The following PROM1 variants were observed in gnomAD, a reference collection of about 807,000 sequenced individuals.
PROM1 encodes the protein prominin 1, also known as prominin-1.
Under a neutral mutation model 116.9 loss-of-function variants are expected in PROM1, and 105 were observed. That is an observed-to-expected ratio of 0.90 (90% CI 0.77 to 1.06). PROM1 has a LOEUF of 1.06. Ranked by LOEUF, PROM1 falls within the 50% of genes least tolerant of loss-of-function variation. The pLI is 0.00. For synonymous variants in PROM1, 393 were observed against 387.0 expected, an observed-to-expected ratio of 1.02 and a Z score of -0.18; for missense variants, 1,122 against 1,045.2, an observed-to-expected ratio of 1.07 and a Z score of -1.01.
At chr4:15,985,727 C>T (rs1345592990) in intron 22 of PROM1, 33 bp downstream of exon 22, 1 of 1,395,126 alleles carries the variant, frequency 7.2e-7, no homozygotes, top group Admixed American at 1.8e-5. Context: ...AAACTTGACC[C>T]CCCTTAACAT....
Position 16,025,172 on chromosome 4 carries a change from A to G in PROM1, c.630+20T>C. The G allele has an allele frequency of 1.2e-6, 2 of 1,612,408 alleles. No homozygotes were observed. The highest frequency in any genetic ancestry group is 1.7e-6 in the Non-Finnish European group (2 of 1,178,768). ...CCAAAAATATAAAGCATCGCGGTAC[A>G]TAGAGATGATGGTTTTTACCTCTGG... On this transcript the variant is annotated intron_variant, in intron 6 of 27. Coordinates refer to ENST00000447510, the MANE Select transcript of PROM1 (RefSeq NM_006017.3).
intron 2 of PROM1, among the ~76,000 whole-genome samples, chr4:16,045,085 C>T (rs1314582173): frequency 1.3e-5 from 2 of 152,158 alleles, no homozygotes; most frequent in Non-Finnish European, 2.9e-5. Flanking sequence ...CAACACTCCA[C>T]TCTTCCCTGC....
Position 16,009,116 on chromosome 4 carries a change from CAA to C in PROM1, c.1142-10_1142-9del. On this transcript the variant is annotated splice_polypyrimidine_tract_variant and intron_variant, in intron 11 of 27. Transcript: ENST00000447510. Reference sequence around the variant, plus strand: ...TCAAGACCCTTTTGATACCTGAAAACAAAGATACCTTTGTTATGCATTTGCAA... The same window carrying C: ...TCAAGACCCTTTTGATACCTGAAAACAGATACCTTTGTTATGCATTTGCAA... 6.2e-7 allele frequency: 1 copy of C among 1,610,410 alleles called. No individual in the cohort carries two copies. The highest frequency in any genetic ancestry group is 8.5e-7 in the Non-Finnish European group (1 of 1,178,178).
intron 10 of PROM1, among the ~76,000 whole-genome samples, chr4:16,014,207 C>T (rs1009077870): frequency 2.0e-5 from 3 of 152,214 alleles, no homozygotes. Context: ...CTTCATAAGA[C>T]TTATGGTGCC....
chr4:15,999,963 T>G, intron 14 of PROM1, among the ~76,000 whole-genome samples: 1 of 152,186 alleles, frequency 6.6e-6, no homozygotes, highest in East Asian at 1.9e-4. Context: ...GGAGTTGGAC[T>G]GAGAGGGAGA....
At chr4:15,994,575 A>G (rs1721850642) in intron 15 of PROM1, among the ~76,000 whole-genome samples, 1 of 152,074 alleles carries the variant, frequency 6.6e-6, no homozygotes, top group Admixed American at 6.5e-5. Context: ...GAGGAGACGC[A>G]GACATCTCGA....
chr4:16,042,500 C>T (rs1256542545), intron 2 of PROM1, among the ~76,000 whole-genome samples: 3 of 152,120 alleles, frequency 2.0e-5, no homozygotes, highest in Non-Finnish European at 4.4e-5. Flanking sequence ...GTACATTATT[C>T]AGGTGATGGA....
intron 23 of PROM1, among the ~76,000 whole-genome samples, chr4:15,983,601 T>C (rs1000250021): frequency 1.3e-5 from 2 of 151,506 alleles, no homozygotes; most frequent in Non-Finnish European, 2.9e-5. Context: ...GGTGGGGAAA[T>C]TGAGATTTAT....
chr4:15,977,194 CA>C, intron 26 of PROM1, among the ~76,000 whole-genome samples: 1 of 152,018 alleles, frequency 6.6e-6, no homozygotes, highest in Non-Finnish European at 1.5e-5. Flanking sequence ...CCCAGGCTTG[CA>C]TCTCTCTCTC....
chr4:16,050,271 A>T (rs986817211), intron 2 of PROM1, among the ~76,000 whole-genome samples: 1 of 151,224 alleles, frequency 6.6e-6, no homozygotes, highest in Non-Finnish European at 1.5e-5. Flanking sequence ...AAAAAAAAAA[A>T]CCACACACAC....
chr4:16,029,108 G>C (rs1732061539), intron 5 of PROM1, among the ~76,000 whole-genome samples: 1 of 152,136 alleles, frequency 6.6e-6, no homozygotes, highest in Non-Finnish European at 1.5e-5. Flanking sequence ...CATTTAAACT[G>C]TAAGTAACCA....
intron 13 of PROM1, among the ~76,000 whole-genome samples, chr4:16,002,075 T>C (rs111975429): frequency 1.1e-3 from 169 of 151,980 alleles, no homozygotes; most frequent in African/African-American, 3.8e-3. Context: ...AGTTTGATGA[T>C]GGGAAGTTGC....
At chr4:16,011,135 C>T (rs1726787576) in intron 11 of PROM1, among the ~76,000 whole-genome samples, 2 of 152,170 alleles carry the variant, frequency 1.3e-5, no homozygotes, top group Non-Finnish European at 2.9e-5. Context: ...GACTTTGCTG[C>T]TCTGACAACT....
At chr4:16,010,202 G>C (rs1726560603) in intron 11 of PROM1, among the ~76,000 whole-genome samples, 1 of 152,148 alleles carries the variant, frequency 6.6e-6, no homozygotes, top group African/African-American at 2.4e-5. Context: ...CAGTTTTCTG[G>C]AGAGTGTCCA....
chr4:16,005,177 G>C (rs1210357661), intron 13 of PROM1, among the ~76,000 whole-genome samples: 1 of 151,958 alleles, frequency 6.6e-6, no homozygotes, highest in Non-Finnish European at 1.5e-5. Flanking sequence ...TGGTCAGGCT[G>C]GTCTCGAACT....
At position 16,008,939 on chromosome 4, in the gene PROM1, A is replaced by T. The variant is rs192338518; in HGVS notation, c.1301+10T>A. The T allele has an allele frequency of 1.3e-5, 21 of 1,568,850 alleles. No individual in the cohort carries two copies. In the East Asian group the frequency reaches 4.5e-4, roughly 33 times the overall value. On this transcript the variant is annotated intron_variant, in intron 12 of 27. Coordinates refer to ENST00000447510, the MANE Select transcript of PROM1 (RefSeq NM_006017.3). ...CTCTCGTAGTTCACCAGCTCCAAGGAGACACTCACCAGTATGAATCATACT... is the reference window on the plus strand; with the variant it reads ...CTCTCGTAGTTCACCAGCTCCAAGGTGACACTCACCAGTATGAATCATACT...
intron 9 of PROM1, 72 bp downstream of exon 9, chr4:16,018,251 C>G (rs562924155): frequency 6.9e-7 from 1 of 1,452,458 alleles, no homozygotes; most frequent in African/African-American, 1.4e-5. Context: ...CTGGATAGGT[C>G]ACCCACGCTT....
At chr4:16,006,435 G>A (rs973747819) in intron 13 of PROM1, 103 bp downstream of exon 13, 31 of 1,348,900 alleles carry the variant, frequency 2.3e-5, no homozygotes, top group South Asian at 8.2e-5. Flanking sequence ...GGAACCCCGC[G>A]TACGTGGCCC....
intron 4 of PROM1, among the ~76,000 whole-genome samples, 183 bp from the exon 5 acceptor site, chr4:16,033,692 C>T (rs1302229605): frequency 2.8e-5 from 4 of 143,804 alleles, no homozygotes; most frequent in Non-Finnish European, 4.5e-5. Flanking sequence ...TGGGTTCAAG[C>T]GATTCTTGGG....
Sources: allele counts gnomAD v4.1 joint callset (sites outside exome capture counted in the v4.1 genomes callset), GRCh38; gene constraint gnomAD v4.1.1; transcripts MANE v1.5; gene names NCBI Gene and HGNC (gene_info 2026-07-23, HGNC 2026-07-21).